Variants in PRELID2 observed in about 807,000 individuals in gnomAD.
PRELID2 encodes the protein PRELI domain-containing protein 2.
Under a neutral mutation model 28.4 loss-of-function variants are expected in PRELID2, and 25 were observed. The ratio of observed to expected loss-of-function variants is 0.88; its 90% confidence interval spans 0.64 to 1.23. The LOEUF (loss-of-function observed/expected upper bound fraction) is 1.23, where lower values mean the gene tolerates loss of function less well. Ranked by LOEUF, PRELID2 falls within the 50% of genes most tolerant of loss-of-function variation. The pLI is 0.00. For missense variants in PRELID2, 201 were observed against 214.4 expected, an observed-to-expected ratio of 0.94 and a Z score of 0.39; for synonymous variants, 76 against 71.6, an observed-to-expected ratio of 1.06 and a Z score of -0.31.
chr5:145,304,793 T>G, the PRELID2 span, among the ~76,000 whole-genome samples: 1 of 152,148 alleles, frequency 6.6e-6, no homozygotes, highest in African/African-American at 2.4e-5. Context: ...CATGTTCTGT[T>G]GGACACAATT....
chr5:145,453,405 C>A, the PRELID2 span, among the ~76,000 whole-genome samples: 1 of 152,180 alleles, frequency 6.6e-6, no homozygotes, highest in Non-Finnish European at 1.5e-5. Context: ...AAAAGCAGTT[C>A]ACTCTACTCT....
chr5:145,599,533 A>T lies in PRELID2; in HGVS notation n.71-126218T>A, dbSNP rs958709376. Among the ~76,000 whole-genome samples, 3 of 152,124 alleles carry T rather than the reference A, an allele frequency of 2.0e-5. No homozygotes were observed. The South Asian group carries it at 6.2e-4, about 31-fold the overall frequency. On this transcript the variant is annotated intron_variant and non_coding_transcript_variant, in intron 1 of 2. Transcript: ENST00000510259. ...GACTACTGGAGGAATTCTCATGGTT[A>T]CCCCCTTTTCAGCACTGGACTGTTT...
the PRELID2 span, among the ~76,000 whole-genome samples, chr5:145,397,529 T>A: frequency 6.6e-6 from 1 of 152,218 alleles, no homozygotes; most frequent in Admixed American, 6.5e-5. Context: ...TCTTGCAATT[T>A]TCTTCCAGAT....
At chr5:145,418,492 A>G in the PRELID2 span, among the ~76,000 whole-genome samples, 2 of 152,278 alleles carry the variant, frequency 1.3e-5, no homozygotes, top group South Asian at 4.2e-4. Context: ...AAACTATACT[A>G]CAGGGCTACA....
chr5:145,824,163 G>T (rs1755014438), intron 1 of PRELID2, among the ~76,000 whole-genome samples: 1 of 152,106 alleles, frequency 6.6e-6, no homozygotes, highest in South Asian at 2.1e-4. Flanking sequence ...GGACAAGGTA[G>T]CTGCTGACCA....
chr5:145,782,047 T>C (rs188556764), intron 5 of PRELID2, among the ~76,000 whole-genome samples: 13 of 152,258 alleles, frequency 8.5e-5, no homozygotes, highest in Admixed American at 2.0e-4. Context: ...CAAATCTCTT[T>C]GGAGAGATTA....
chr5:145,284,065 A>G, the PRELID2 span, among the ~76,000 whole-genome samples: 1 of 152,154 alleles, frequency 6.6e-6, no homozygotes, highest in Non-Finnish European at 1.5e-5. Flanking sequence ...CTTGAATTTC[A>G]AAAGTTATTA....
intron 1 of PRELID2, among the ~76,000 whole-genome samples, chr5:145,749,522 T>C (rs1757075660): frequency 6.6e-6 from 1 of 152,190 alleles, no homozygotes; most frequent in African/African-American, 2.4e-5. Context: ...GGTGGGAATG[T>C]AAATTAGTTC....
the PRELID2 span, among the ~76,000 whole-genome samples, chr5:145,254,359 A>T: frequency 1.3e-5 from 2 of 152,146 alleles, no homozygotes; most frequent in African/African-American, 4.8e-5. Context: ...AGGGATTTAA[A>T]AAAACAAAAC....
rs1240857688 is a variant in PRELID2 at position 145,731,083 on chromosome 5, G to GTTTTCTTTAACAGGTTTCTTTAACAGGTT, written n.70+33847_70+33848insAACCTGTTAAAGAAACCTGTTAAAGAAAA. On this transcript the variant is annotated intron_variant and non_coding_transcript_variant, in intron 1 of 2. Coordinates refer to the PRELID2 transcript ENST00000510259. Reference sequence around the variant, plus strand: ...CTCAGGTTTTAACTAAAGAAAACCTGTCTTTAACTGCCAGCTGCATTTCGT... The same window carrying GTTTTCTTTAACAGGTTTCTTTAACAGGTT: ...CTCAGGTTTTAACTAAAGAAAACCTGTTTTCTTTAACAGGTTTCTTTAACAGGTTTCTTTAACTGCCAGCTGCATTTCGT... 2.0e-5 allele frequency among the ~76,000 whole-genome samples: 3 copies of GTTTTCTTTAACAGGTTTCTTTAACAGGTT among 152,222 alleles called. No individual in the cohort carries two copies. In the East Asian group the frequency reaches 5.8e-4, roughly 29 times the overall value.
intron 1 of PRELID2, among the ~76,000 whole-genome samples, chr5:145,713,464 T>C (rs1398043093): frequency 6.9e-6 from 1 of 145,046 alleles, no homozygotes. Flanking sequence ...ATACTTTATA[T>C]ATATATACAC....
intron 1 of PRELID2, among the ~76,000 whole-genome samples, chr5:145,555,756 G>A (rs1187372766): frequency 6.6e-6 from 1 of 152,164 alleles, no homozygotes; most frequent in African/African-American, 2.4e-5. Context: ...TCAAGAAAAA[G>A]AGAAGGATGG....
At chr5:145,595,816 T>C (rs1753297380) in intron 1 of PRELID2, among the ~76,000 whole-genome samples, 1 of 152,192 alleles carries the variant, frequency 6.6e-6, no homozygotes, top group South Asian at 2.1e-4. Context: ...TGTCTACTTT[T>C]AAAATTCATT....
intron 1 of PRELID2, among the ~76,000 whole-genome samples, chr5:145,730,650 G>A (rs149032174): frequency 7.0e-4 from 107 of 152,046 alleles, no homozygotes; most frequent in African/African-American, 2.4e-3. Context: ...CAGGAGCATC[G>A]CCATCTTGGA....
intron 1 of PRELID2, among the ~76,000 whole-genome samples, chr5:145,638,486 G>A (rs1039565920): frequency 6.6e-6 from 1 of 152,072 alleles, no homozygotes; most frequent in Non-Finnish European, 1.5e-5. Flanking sequence ...TAATTTAGAT[G>A]TTAACTGTCT....
intron 4 of PRELID2, among the ~76,000 whole-genome samples, chr5:145,815,789 T>C (rs1375730431): frequency 6.6e-6 from 1 of 152,240 alleles, no homozygotes; most frequent in African/African-American, 2.4e-5. Context: ...ATACATTACA[T>C]TGGGCTACAT....
At chr5:145,833,687 C>T (rs991029547) in intron 1 of PRELID2, among the ~76,000 whole-genome samples, 5 of 152,192 alleles carry the variant, frequency 3.3e-5, no homozygotes, top group East Asian at 1.9e-4. Context: ...CCAGGGCCAC[C>T]GTGTCACCTC....
At chr5:145,551,401 T>TAAAG (rs910812148) in intron 1 of PRELID2, among the ~76,000 whole-genome samples, 28 of 43,654 alleles carry the variant, frequency 6.4e-4, no homozygotes, top group Admixed American at 2.8e-3. Context: ...ACTCAGTCTC[T>TAAAG]AAATAAATAA....
chr5:145,406,788 C>G, the PRELID2 span, among the ~76,000 whole-genome samples: 1 of 152,164 alleles, frequency 6.6e-6, no homozygotes, highest in Non-Finnish European at 1.5e-5. Flanking sequence ...CCTCTGAACA[C>G]ACATTCCCAC....
Sources: gnomAD v4.1 joint callset for allele counts (sites outside exome capture counted in the v4.1 genomes callset) on GRCh38, gnomAD v4.1.1 for gene constraint, MANE v1.5 for transcripts, NCBI Gene and HGNC (gene_info 2026-07-23, HGNC 2026-07-21) for gene names.